The following SLC14A2 variants were observed in gnomAD, a reference collection of about 807,000 sequenced individuals.
The protein encoded by SLC14A2 is urea transporter 2.
Under a neutral mutation model 104.6 loss-of-function variants are expected in SLC14A2, and 91 were observed. The ratio of observed to expected loss-of-function variants is 0.87; its 90% confidence interval spans 0.73 to 1.04. SLC14A2 has a LOEUF of 1.04. Among genes scored for constraint, SLC14A2 ranks in the 50% least tolerant of loss-of-function variants. The pLI is 0.00. For synonymous variants in SLC14A2, 476 were observed against 466.4 expected (o/e 1.02, Z -0.27); for missense variants, 1,189 against 1,156.0 (o/e 1.03, Z -0.41).
intron 1 of SLC14A2, among the ~76,000 whole-genome samples, chr18:45,230,034 GCTTATGATGGGGT>G (rs1317845455): frequency 6.6e-6 from 1 of 152,122 alleles, no homozygotes; most frequent in African/African-American, 2.4e-5. Flanking sequence ...TTTGTATATT[GCTTATGATGGGGT>G]CTGACATATG....
At chr18:45,264,518 T>C (rs950361258) in intron 1 of SLC14A2, among the ~76,000 whole-genome samples, 1 of 152,182 alleles carries the variant, frequency 6.6e-6, no homozygotes, top group African/African-American at 2.4e-5. Flanking sequence ...TATCTGAGAC[T>C]GGGTAATTTA....
intron 1 of SLC14A2, among the ~76,000 whole-genome samples, chr18:45,291,728 A>G (rs1393332649): frequency 6.6e-6 from 1 of 152,116 alleles, no homozygotes; most frequent in Admixed American, 6.5e-5. Flanking sequence ...CCCCTGCCAC[A>G]AGAATGAATC....
At chr18:45,652,408 T>C (rs1011756926) in intron 10 of SLC14A2, among the ~76,000 whole-genome samples, 2 of 152,200 alleles carry the variant, frequency 1.3e-5, no homozygotes, top group African/African-American at 2.4e-5. Context: ...CCTCTGCAAA[T>C]TGATAACAAG....
chr18:45,513,940 T>G (rs1250807595), intron 2 of SLC14A2, among the ~76,000 whole-genome samples: 1 of 152,192 alleles, frequency 6.6e-6, no homozygotes, highest in East Asian at 1.9e-4. Flanking sequence ...CTGCCTGGAA[T>G]AGTGAAAAAT....
chr18:45,490,724 A>G (rs2042981784), intron 2 of SLC14A2, among the ~76,000 whole-genome samples: 1 of 152,230 alleles, frequency 6.6e-6, no homozygotes, highest in Non-Finnish European at 1.5e-5. Context: ...AAAAGGGTTA[A>G]TCTCCAAAAA....
At chr18:45,625,919 C>T (rs2045250912) in intron 3 of SLC14A2, 56 bp downstream of exon 3, 1 of 1,282,534 alleles carries the variant, frequency 7.8e-7, no homozygotes, top group African/African-American at 1.5e-5. Flanking sequence ...GAGAGACAAC[C>T]CTCTCTCCGG....
chr18:45,562,399 T>C (rs1345248452), intron 2 of SLC14A2, among the ~76,000 whole-genome samples: 1 of 152,186 alleles, frequency 6.6e-6, no homozygotes, highest in African/African-American at 2.4e-5. Flanking sequence ...AGGAACTTGA[T>C]CTTGATAGGG....
chr18:45,293,291 C>T (rs62093667), intron 1 of SLC14A2, among the ~76,000 whole-genome samples: 9,030 of 152,122 alleles, frequency 0.059, 354 homozygotes, highest in South Asian at 0.1. Context: ...TTCATGTATT[C>T]ATTCATAAAC....
intron 2 of SLC14A2, among the ~76,000 whole-genome samples, chr18:45,506,023 C>T (rs1469251197): frequency 1.3e-5 from 2 of 152,140 alleles, no homozygotes; most frequent in Admixed American, 1.3e-4. Flanking sequence ...GGAGGCTCAC[C>T]GCTTCCTGCT....
intron 1 of SLC14A2, among the ~76,000 whole-genome samples, chr18:45,281,475 G>A (rs923609678): frequency 3.3e-5 from 5 of 152,050 alleles, no homozygotes; most frequent in African/African-American, 1.2e-4. Context: ...AAGGCCATTT[G>A]GATTATTGGG....
chr18:45,219,307 ATAGCAATG>A (rs2084039948), intron 1 of SLC14A2, among the ~76,000 whole-genome samples: 2 of 152,256 alleles, frequency 1.3e-5, no homozygotes, highest in Non-Finnish European at 2.9e-5. Flanking sequence ...TGAAAGGCAT[ATAGCAATG>A]TTATTTATAT....
chr18:45,528,577 AACACACACACACAC>A (rs60282529), intron 2 of SLC14A2: 1 of 146,672 alleles, frequency 6.8e-6, no homozygotes, highest in African/African-American at 2.5e-5. Context: ...CCCGAATTAA[AACACACACACACAC>A]ACACACACAC....
At chr18:45,678,619 C>T (rs2046264097) in intron 18 of SLC14A2, among the ~76,000 whole-genome samples, 3 of 152,170 alleles carry the variant, frequency 2.0e-5, no homozygotes, top group Admixed American at 6.5e-5. Context: ...TGAAATATTC[C>T]AGTAGGGAGT....
At chr18:45,252,106 T>C (rs2084429732) in intron 1 of SLC14A2, among the ~76,000 whole-genome samples, 1 of 152,146 alleles carries the variant, frequency 6.6e-6, no homozygotes. Flanking sequence ...TGACCAGCAA[T>C]GAGAATCCTA....
intron 2 of SLC14A2, among the ~76,000 whole-genome samples, chr18:45,549,121 A>G (rs1256380103): frequency 6.6e-6 from 1 of 152,248 alleles, no homozygotes; most frequent in Non-Finnish European, 1.5e-5. Flanking sequence ...TGCTGCTCGA[A>G]TAGAAGTAAA....
At chr18:45,510,036 C>T (rs990105341) in intron 2 of SLC14A2, among the ~76,000 whole-genome samples, 11 of 152,196 alleles carry the variant, frequency 7.2e-5, no homozygotes, top group Non-Finnish European at 1.5e-4. Flanking sequence ...ACATTTCTCC[C>T]TCACCTCCTC....
chr18:45,339,737 T>C (rs1293461513), intron 1 of SLC14A2, among the ~76,000 whole-genome samples: 1 of 152,198 alleles, frequency 6.6e-6, no homozygotes, highest in Non-Finnish European at 1.5e-5. Flanking sequence ...GGCAGGTTTT[T>C]GGCAGATTGG....
At chr18:45,635,929 G>A (rs2045410548) in intron 5 of SLC14A2, among the ~76,000 whole-genome samples, 1 of 152,202 alleles carries the variant, frequency 6.6e-6, no homozygotes, top group South Asian at 2.1e-4. Context: ...GAAAAAGACA[G>A]AGAGGCAGAT....
chr18:45,254,623 A>G (rs935316646), intron 1 of SLC14A2, among the ~76,000 whole-genome samples: 4 of 152,072 alleles, frequency 2.6e-5, no homozygotes, highest in African/African-American at 9.7e-5. Context: ...TTTCTCTGGG[A>G]AGAATCCACA....
Sources: gnomAD v4.1 joint callset for allele counts (sites outside exome capture counted in the v4.1 genomes callset) on GRCh38, gnomAD v4.1.1 for gene constraint, MANE v1.5 for transcripts, NCBI Gene and HGNC (gene_info 2026-07-23, HGNC 2026-07-21) for gene names.